XRN2: variants seen among roughly 807,000 people sequenced by gnomAD.
XRN2 encodes the protein DHM1-like protein.
Under a neutral mutation model 138.5 loss-of-function variants are expected in XRN2, and 44 were observed. That is an observed-to-expected ratio of 0.32 (90% confidence interval 0.25 to 0.41). The LOEUF (loss-of-function observed/expected upper bound fraction) is 0.41, where lower values mean the gene tolerates loss of function less well. Ranked by LOEUF, XRN2 falls within the 10% of genes least tolerant of loss-of-function variation. The pLI, the probability that XRN2 is intolerant of heterozygous loss-of-function variation, is 1.00. For synonymous variants in XRN2, 354 were observed against 369.4 expected (o/e 0.96, Z 0.48); for missense variants, 937 against 1,169.3 (o/e 0.80, Z 2.90).
intron 10 of XRN2, 31 bp from the exon 11 acceptor site, chr20:21,333,673 C>G: frequency 6.2e-7 from 1 of 1,614,008 alleles, no homozygotes; most frequent in Non-Finnish European, 8.5e-7. Flanking sequence ...CCTTTGATAG[C>G]TGTAATGGCA....
chr20:21,357,912 T>G, intron 24 of XRN2, 120 bp downstream of exon 24: 1 of 746,668 alleles, frequency 1.3e-6, no homozygotes. Flanking sequence ...TGCTTCGAGA[T>G]TGGAGAGTCC....
intron 20 of XRN2, among the ~76,000 whole-genome samples, chr20:21,353,212 G>A (rs1349130824): frequency 4.5e-5 from 6 of 132,120 alleles, no homozygotes; most frequent in Non-Finnish European, 6.4e-5. Flanking sequence ...ATAAATAAAT[G>A]TAGTGGGTAG....
intron 1 of XRN2, among the ~76,000 whole-genome samples, chr20:21,310,977 T>G (rs938528602): frequency 1.3e-5 from 2 of 152,090 alleles, no homozygotes; most frequent in African/African-American, 2.4e-5. Flanking sequence ...GGTCTTGATC[T>G]CCTGACCTCG....
rs1359470878 is a variant in XRN2, at chr20:21,315,668, A to G, written c.76-10611A>G. 2.0e-5 allele frequency among the ~76,000 whole-genome samples: 3 copies of G among 152,048 alleles called. No homozygotes were observed. In the East Asian group the frequency reaches 5.9e-4, roughly 30 times the overall value. On this transcript the variant is annotated intron_variant, in intron 1 of 29. Coordinates refer to ENST00000377191, the MANE Select transcript of XRN2 (RefSeq NM_012255.5). The stretch of plus-strand genomic sequence containing the variant: ...CCACCATGCCTGGCTAACTTTTTGT[A>G]TTTTGGGTTGAGACAGGGTTTTGCC...
chr20:21,378,723 T>G lies in XRN2; in HGVS notation c.2585-3271T>G, dbSNP rs150302701. Among the ~76,000 whole-genome samples the G allele has an allele frequency of 2.1e-3, 327 of 152,374 alleles. 2 individuals are homozygous for G. Among genetic ancestry groups the G allele is most frequent in the African/African-American group, 7.5e-3 (314 of 41,596 alleles). On this transcript the variant is annotated intron_variant, in intron 27 of 29. Coordinates refer to ENST00000377191, the MANE Select transcript of XRN2 (RefSeq NM_012255.5). ...TTTAGTAAGATTGAGTTCTAAGCCATTTATTCAGTCTAAAATATTTTTAGT... is the reference window on the plus strand; with the variant it reads ...TTTAGTAAGATTGAGTTCTAAGCCAGTTATTCAGTCTAAAATATTTTTAGT...
chr20:21,379,570 A>G (rs79797303), intron 27 of XRN2, among the ~76,000 whole-genome samples: 5,073 of 152,274 alleles, frequency 0.033, 281 homozygotes, highest in African/African-American at 0.12. Flanking sequence ...CTGAGTTTAT[A>G]TGGAAAAAGA....
At chr20:21,322,201 C>T (rs1203605366) in intron 1 of XRN2, among the ~76,000 whole-genome samples, 1 of 152,156 alleles carries the variant, frequency 6.6e-6, no homozygotes, top group East Asian at 1.9e-4. Context: ...ACGTTAAGTG[C>T]TCCGTAAATG....
At chr20:21,309,353 CTATTTATT>C (rs776366733) in intron 1 of XRN2, among the ~76,000 whole-genome samples, 7 of 152,022 alleles carry the variant, frequency 4.6e-5, no homozygotes, top group African/African-American at 9.7e-5. Context: ...TTGAGGTTAC[CTATTTATT>C]TATTTATTTA....
At chr20:21,363,915 G>T (rs1390388095) in intron 24 of XRN2, among the ~76,000 whole-genome samples, 3 of 152,102 alleles carry the variant, frequency 2.0e-5, no homozygotes, top group African/African-American at 7.2e-5. Flanking sequence ...TGTCATTAAG[G>T]TCATTAAGTA....
chr20:21,388,031 G>A (rs1256213561), intron 29 of XRN2, among the ~76,000 whole-genome samples: 5 of 152,198 alleles, frequency 3.3e-5, no homozygotes, highest in African/African-American at 9.7e-5. Flanking sequence ...TCTAAAAATC[G>A]TGTCAGTGAA....
At chr20:21,304,004 T>C (rs556051625) in intron 1 of XRN2, among the ~76,000 whole-genome samples, 3 of 152,304 alleles carry the variant, frequency 2.0e-5, no homozygotes, top group East Asian at 1.9e-4. Flanking sequence ...TCTGGTTAGA[T>C]TGGACGCTGA....
chr20:21,365,899 T>C (rs1243813956), intron 26 of XRN2, among the ~76,000 whole-genome samples, 195 bp downstream of exon 26: 3 of 83,610 alleles, frequency 3.6e-5, no homozygotes, highest in Non-Finnish European at 5.0e-5. Context: ...TATATAATTA[T>C]ATATATAATA....
intron 15 of XRN2, among the ~76,000 whole-genome samples, chr20:21,343,025 A>G (rs2038391587): frequency 6.6e-6 from 1 of 152,170 alleles, no homozygotes; most frequent in Admixed American, 6.5e-5. Context: ...TATGTGAAAT[A>G]TGATTTCGTA....
At chr20:21,386,355 C>G (rs1391287931) in intron 28 of XRN2, among the ~76,000 whole-genome samples, 1 of 152,132 alleles carries the variant, frequency 6.6e-6, no homozygotes, top group Non-Finnish European at 1.5e-5. Flanking sequence ...ACATATTGAA[C>G]AGAATAATGG....
Position 21,381,981 on chromosome 20 carries a change from GTTTCTTT to G in XRN2, c.2585-10_2585-4del. On this transcript the variant is annotated splice_region_variant and splice_polypyrimidine_tract_variant and intron_variant, in intron 27 of 29. Transcript: ENST00000377191. ...TTAAAAATCTTCTTAACCCTTTCCT[GTTTCTTT>G]TTCAGATATGAGGCCCCAGGATTCC... 1 of 1,602,020 alleles carries G rather than the reference GTTTCTTT, an allele frequency of 6.2e-7. No individual in the cohort carries two copies. Among genetic ancestry groups the G allele is most frequent in the Non-Finnish European group, 8.5e-7 (1 of 1,174,644 alleles).
chr20:21,347,243 C>A (rs1320633517), intron 17 of XRN2, among the ~76,000 whole-genome samples: 2 of 152,152 alleles, frequency 1.3e-5, no homozygotes, highest in Non-Finnish European at 2.9e-5. Context: ...AATAAGAATT[C>A]TAAAGGAATT....
chr20:21,369,236 G>GCC, intron 27 of XRN2, among the ~76,000 whole-genome samples: 1 of 152,292 alleles, frequency 6.6e-6, no homozygotes, highest in Admixed American at 6.5e-5. Flanking sequence ...TGTTACAGGT[G>GCC]ACAAGATCTC....
intron 4 of XRN2, among the ~76,000 whole-genome samples, chr20:21,329,626 A>C (rs776417859): frequency 6.6e-6 from 1 of 152,194 alleles, no homozygotes; most frequent in Admixed American, 6.5e-5. Context: ...TATTTATAAC[A>C]ATGTTTCTGA....
intron 1 of XRN2, among the ~76,000 whole-genome samples, chr20:21,314,361 A>G (rs925208875): frequency 1.3e-5 from 2 of 152,150 alleles, no homozygotes; most frequent in Non-Finnish European, 2.9e-5. Context: ...AACAGTTTCT[A>G]TGTTTTGGCT....
Sources: allele counts gnomAD v4.1 joint callset (sites outside exome capture counted in the v4.1 genomes callset), GRCh38; gene constraint gnomAD v4.1.1; transcripts MANE v1.5; gene names NCBI Gene and HGNC (gene_info 2026-07-23, HGNC 2026-07-21).